Variants in HDAC9 observed in about 807,000 individuals in gnomAD.
HDAC9 encodes histone deacetylase 9.
A neutral mutation model predicts 139.4 loss-of-function variants in HDAC9; 41 were observed. The observed-to-expected ratio is 0.29, with a 90% confidence interval of 0.23 to 0.38. The LOEUF (loss-of-function observed/expected upper bound fraction) is 0.38, where lower values mean the gene tolerates loss of function less well. Among genes scored for constraint, HDAC9 ranks in the 10% least tolerant of loss-of-function variants. The pLI, the probability that HDAC9 is intolerant of heterozygous loss-of-function variation, is 1.00. For synonymous variants in HDAC9, 517 were observed against 476.2 expected (o/e 1.09, Z -1.12); for missense variants, 1,147 against 1,297.0 (o/e 0.88, Z 1.78).
chr7:18,969,058 CCACA>C lies in HDAC9; in HGVS notation c.3023-6734_3023-6731del, dbSNP rs145223691. Reference sequence around the variant, plus strand: ...AGGCAAAATATTGGAGATGAAGTTGCCACACACACACACACACGTGCGCGCGTGC... The same window carrying C: ...AGGCAAAATATTGGAGATGAAGTTGCCACACACACACACGTGCGCGCGTGC... On this transcript the variant is annotated intron_variant, in intron 24 of 25. Transcript: ENST00000686413. Among the ~76,000 whole-genome samples the C allele has an allele frequency of 2.0e-5, 3 of 147,512 alleles. No individual in the cohort carries two copies. In the East Asian group the frequency reaches 6.1e-4, roughly 30 times the overall value.
At position 18,636,760 on chromosome 7, in the gene HDAC9, G is replaced by C. The variant is rs1356387653; in HGVS notation, c.912+2018G>C. 2.6e-5 allele frequency among the ~76,000 whole-genome samples: 4 copies of C among 152,182 alleles called. No homozygotes were observed. The South Asian group carries it at 8.3e-4, about 32-fold the overall frequency. Reference sequence around the variant, plus strand: ...ATTTGCAGCCAGAGACATAAGTGGAGTTATTGGGTTATTAGTTGTAGATAG... The same window carrying C: ...ATTTGCAGCCAGAGACATAAGTGGACTTATTGGGTTATTAGTTGTAGATAG... On this transcript the variant is annotated intron_variant, in intron 8 of 25. Transcript: ENST00000686413.
chr7:18,155,610 G>A (rs1787130154), intron 1 of HDAC9, among the ~76,000 whole-genome samples: 3 of 152,130 alleles, frequency 2.0e-5, no homozygotes, highest in Admixed American at 2.0e-4. Flanking sequence ...ACCCAACAAT[G>A]TAGCCTGTTC....
chr7:18,668,580 A>G, intron 12 of HDAC9: 1 of 978,422 alleles, frequency 1.0e-6, no homozygotes, highest in South Asian at 4.7e-5. Context: ...TCATCAGTAC[A>G]GTTGGTGGAC....
chr7:18,384,881 A>T (rs544032897), intron 1 of HDAC9, among the ~76,000 whole-genome samples: 1 of 151,766 alleles, frequency 6.6e-6, no homozygotes, highest in African/African-American at 2.4e-5. Flanking sequence ...AGTAGCTCCT[A>T]TTCAGTCCTT....
chr7:18,683,975 G>T (rs1269500130), intron 12 of HDAC9, among the ~76,000 whole-genome samples: 1 of 151,864 alleles, frequency 6.6e-6, no homozygotes, highest in East Asian at 1.9e-4. Context: ...TATCATGTTA[G>T]ACCAGGCGCA....
intron 22 of HDAC9, among the ~76,000 whole-genome samples, chr7:18,915,837 A>G (rs528549924): frequency 1.3e-5 from 2 of 151,798 alleles, no homozygotes; most frequent in African/African-American, 4.8e-5. Flanking sequence ...TTTTTTGTTA[A>G]CTTTAAAATT....
chr7:18,490,967 A>G (rs1289653491), upstream of HDAC9, among the ~76,000 whole-genome samples: 1 of 151,962 alleles, frequency 6.6e-6, no homozygotes, highest in Non-Finnish European at 1.5e-5. Context: ...TACTTCATTT[A>G]CATTCCAGAA....
chr7:18,385,233 A>C (rs1437301471), intron 1 of HDAC9, among the ~76,000 whole-genome samples: 1 of 152,202 alleles, frequency 6.6e-6, no homozygotes, highest in African/African-American at 2.4e-5. Flanking sequence ...ACAGCTCCAG[A>C]TAAGAAATAA....
At chr7:18,314,531 C>G (rs1463385967) in intron 1 of HDAC9, among the ~76,000 whole-genome samples, 1 of 152,182 alleles carries the variant, frequency 6.6e-6, no homozygotes, top group Non-Finnish European at 1.5e-5. Flanking sequence ...CCTTTTATCT[C>G]TGTTGGTGCA....
chr7:18,486,080 G>A (rs1795952122), intron 1 of HDAC9, among the ~76,000 whole-genome samples: 1 of 152,108 alleles, frequency 6.6e-6, no homozygotes. Flanking sequence ...AAGGGCAAGA[G>A]AGCATGAGAA....
chr7:18,632,174 C>T (rs186030681), intron 7 of HDAC9, among the ~76,000 whole-genome samples: 175 of 151,778 alleles, frequency 1.2e-3, no homozygotes, highest in African/African-American at 4.2e-3. Flanking sequence ...TTCTACATTT[C>T]CTTTGTTAAA....
chr7:18,552,158 T>A (rs1013053646), intron 2 of HDAC9, among the ~76,000 whole-genome samples: 4 of 152,188 alleles, frequency 2.6e-5, no homozygotes, highest in Admixed American at 6.5e-5. Context: ...CTTATTGAAT[T>A]TGTTCATATA....
intron 1 of HDAC9, among the ~76,000 whole-genome samples, chr7:18,369,408 A>G (rs1784425219): frequency 6.6e-6 from 1 of 152,084 alleles, no homozygotes; most frequent in Non-Finnish European, 1.5e-5. Context: ...AAGTGAACCA[A>G]GAGAGTTATA....
intron 2 of HDAC9, among the ~76,000 whole-genome samples, chr7:18,201,999 G>A (rs1052182201): frequency 6.6e-6 from 1 of 152,124 alleles, no homozygotes; most frequent in African/African-American, 2.4e-5. Context: ...TCCTGACCAG[G>A]CCATTGTTCT....
chr7:18,747,928 C>T (rs902080650), intron 13 of HDAC9, among the ~76,000 whole-genome samples: 2 of 152,138 alleles, frequency 1.3e-5, no homozygotes, highest in Non-Finnish European at 2.9e-5. Flanking sequence ...ACTTCTTTTA[C>T]AGCATAAATT....
intron 1 of HDAC9, among the ~76,000 whole-genome samples, chr7:18,326,699 G>A: frequency 6.6e-6 from 1 of 151,966 alleles, no homozygotes; most frequent in Non-Finnish European, 1.5e-5. Context: ...CTCTATTAGT[G>A]CTAGCTAAGA....
intron 17 of HDAC9, among the ~76,000 whole-genome samples, chr7:18,817,044 T>C (rs1022390937): frequency 1.3e-5 from 2 of 151,894 alleles, no homozygotes; most frequent in Admixed American, 6.6e-5. Context: ...TTTTGTTTTT[T>C]TTTTTTTTGA....
intron 1 of HDAC9, among the ~76,000 whole-genome samples, chr7:18,398,411 C>A (rs1248699557): frequency 1.3e-5 from 2 of 152,056 alleles, no homozygotes; most frequent in Non-Finnish European, 2.9e-5. Context: ...CTTGGGAAAC[C>A]CTTTTACTTC....
intron 2 of HDAC9, among the ~76,000 whole-genome samples, chr7:18,577,525 T>C (rs963942715): frequency 2.0e-5 from 3 of 152,206 alleles, no homozygotes; most frequent in Non-Finnish European, 4.4e-5. Flanking sequence ...GATGCCTGTC[T>C]CATGCCTTTC....
Sources: gnomAD v4.1 joint callset for allele counts (sites outside exome capture counted in the v4.1 genomes callset) on GRCh38, gnomAD v4.1.1 for gene constraint, MANE v1.5 for transcripts, NCBI Gene and HGNC (gene_info 2026-07-23, HGNC 2026-07-21) for gene names.